Variants in RIMS3 observed in about 807,000 individuals in gnomAD.
The protein encoded by RIMS3 is regulating synaptic membrane exocytosis protein 3.
Under a neutral mutation model 29.2 loss-of-function variants are expected in RIMS3, and 15 were observed. That is an observed-to-expected ratio of 0.51 (90% CI 0.34 to 0.79). RIMS3 has a LOEUF of 0.79. Among genes scored for constraint, RIMS3 ranks in the 30% least tolerant of loss-of-function variants. The pLI, the probability that RIMS3 is intolerant of heterozygous loss-of-function variation, is 0.01. For missense variants in RIMS3, 342 were observed against 421.4 expected (o/e 0.81, Z 1.65); for synonymous variants, 161 against 170.1 (o/e 0.95, Z 0.41).
At chr1:40,649,259 A>T (rs895854120) in intron 1 of RIMS3, among the ~76,000 whole-genome samples, 3 of 152,176 alleles carry the variant, frequency 2.0e-5, no homozygotes, top group South Asian at 2.1e-4. Flanking sequence ...CAAATGTGTG[A>T]TCACACAGAC....
In RIMS3 at chr1:40,636,284, A is replaced by G. The variant is rs1646519303; in HGVS notation, c.218-227T>C. ...GTGACACTGACAGAGCAGACTAGAA[A>G]GATGGCTGCAGGCAGAGTCATGATG... On this transcript the variant is annotated intron_variant, in intron 3 of 7. Transcript: ENST00000372684. This position sits in a 1 kb window ranked among gnomAD's most constrained non-coding sequence, Gnocchi z 4.2. Among the ~76,000 whole-genome samples, 2 of 152,138 alleles carry G rather than the reference A, an allele frequency of 1.3e-5. No homozygotes were observed. The highest frequency in any genetic ancestry group is 6.5e-5 in the Admixed American group (1 of 15,276).
At chr1:40,681,234 C>T in the RIMS3 span, among the ~76,000 whole-genome samples, 1 of 152,096 alleles carries the variant, frequency 6.6e-6, no homozygotes, top group Admixed American at 6.5e-5. Flanking sequence ...CTGAATGGGA[C>T]AGGAAGCTGA....
chr1:40,627,882 G>A (rs1646465291), intron 7 of RIMS3, among the ~76,000 whole-genome samples: 1 of 152,090 alleles, frequency 6.6e-6, no homozygotes, highest in Non-Finnish European at 1.5e-5. Flanking sequence ...TGGGATTATG[G>A]TTGTGAGCCA....
chr1:40,649,490 A>G (rs991529924), intron 1 of RIMS3, among the ~76,000 whole-genome samples: 1 of 152,216 alleles, frequency 6.6e-6, no homozygotes, highest in Non-Finnish European at 1.5e-5. Context: ...TGGGCAGGGA[A>G]GCAGGAAGCA....
At chr1:40,675,230 T>C in the RIMS3 span, among the ~76,000 whole-genome samples, 2 of 151,212 alleles carry the variant, frequency 1.3e-5, no homozygotes, top group African/African-American at 4.9e-5. Flanking sequence ...GATCGTGCCA[T>C]GCCACTGCAC....
the RIMS3 span, among the ~76,000 whole-genome samples, chr1:40,683,468 A>G: frequency 1.3e-5 from 2 of 152,210 alleles, no homozygotes; most frequent in African/African-American, 2.4e-5. Context: ...TCACCATGTG[A>G]TATCTTCTGC....
At chr1:40,656,412 T>C (rs1293613392) in intron 1 of RIMS3, among the ~76,000 whole-genome samples, 1 of 151,980 alleles carries the variant, frequency 6.6e-6, no homozygotes, top group Non-Finnish European at 1.5e-5. Flanking sequence ...CTATATGGAG[T>C]TGCCAGGCAA....
upstream of RIMS3, among the ~76,000 whole-genome samples, chr1:40,670,609 T>TATATATATATATATATATATA (rs55692608): frequency 2.0e-3 from 270 of 135,614 alleles, no homozygotes; most frequent in Middle Eastern, 3.8e-3. Flanking sequence ...TATATATATA[T>TATATATATATATATATATATA]TTGAGATGGA....
chr1:40,643,668 G>A (rs1362056215), intron 2 of RIMS3, among the ~76,000 whole-genome samples: 17 of 151,932 alleles, frequency 1.1e-4, no homozygotes, highest in African/African-American at 3.4e-4. Context: ...TAGTAGTGAC[G>A]GGGTTTCACC....
At chr1:40,677,551 A>G in the RIMS3 span, among the ~76,000 whole-genome samples, 2 of 151,966 alleles carry the variant, frequency 1.3e-5, no homozygotes, top group Admixed American at 6.5e-5. Flanking sequence ...ACAAAAAATT[A>G]GCCAGGCATG....
At chr1:40,627,378 G>A (rs970588422) in intron 7 of RIMS3, among the ~76,000 whole-genome samples, 10 of 151,896 alleles carry the variant, frequency 6.6e-5, no homozygotes, top group Non-Finnish European at 1.5e-4. Context: ...ACAGGTGCCC[G>A]CCACCACACC....
At chr1:40,672,997 T>C in the RIMS3 span, among the ~76,000 whole-genome samples, 1 of 151,990 alleles carries the variant, frequency 6.6e-6, no homozygotes, top group Non-Finnish European at 1.5e-5. Flanking sequence ...CTGACCAACA[T>C]GGTGAAAACC....
intron 5 of RIMS3, among the ~76,000 whole-genome samples, chr1:40,630,189 C>T (rs1306590324): frequency 1.3e-5 from 2 of 152,156 alleles, no homozygotes; most frequent in African/African-American, 4.8e-5. Context: ...CCTACTACTG[C>T]ATTACCAGTG....
intron 1 of RIMS3, among the ~76,000 whole-genome samples, chr1:40,657,589 A>G (rs1447822597): frequency 4.6e-5 from 7 of 152,064 alleles, no homozygotes; most frequent in Non-Finnish European, 8.8e-5. Flanking sequence ...CTACAAAAAA[A>G]TACAAAACTG....
At chr1:40,649,296 C>T (rs1203209626) in intron 1 of RIMS3, among the ~76,000 whole-genome samples, 7 of 152,208 alleles carry the variant, frequency 4.6e-5, no homozygotes, top group Non-Finnish European at 8.8e-5. Flanking sequence ...CACTTAAAGA[C>T]GCAATCATAT....
chr1:40,682,767 A>C, the RIMS3 span, among the ~76,000 whole-genome samples: 2 of 26,020 alleles, frequency 7.7e-5, no homozygotes, highest in Admixed American at 3.0e-4. Context: ...TTGAGATGGA[A>C]TCTTGCTCTG....
At chr1:40,651,991 A>C (rs1232739835) in intron 1 of RIMS3, among the ~76,000 whole-genome samples, 1 of 152,164 alleles carries the variant, frequency 6.6e-6, no homozygotes, top group Admixed American at 6.5e-5. Flanking sequence ...TCCTCGTGTC[A>C]CTAAAGTGCT....
Position 40,628,818 on chromosome 1 carries a change from C to T in RIMS3, c.706G>A (p.Val236Met), listed in dbSNP as rs201301694. Residue 236 changes from valine (V) to methionine (M), a missense_variant, in exon 7 of 8, where the codon GTG (valine) becomes ATG (methionine). Transcript: ENST00000372684. ...LLFDEGPQGK[V>M]LQVIVWGDYG... The stretch of plus-strand genomic sequence containing the variant: ...TGCCCTGTGACACCCACCTGCAGCA[C>T]CTTGCCCTGGGGTCCCTCGTCAAAG... 2 of 1,614,214 alleles carry T rather than the reference C, an allele frequency of 1.2e-6. No individual in the cohort carries two copies. The highest frequency in any genetic ancestry group is 2.2e-5 in the East Asian group (1 of 44,880).
intron 1 of RIMS3, among the ~76,000 whole-genome samples, chr1:40,656,644 G>A (rs1390808690): frequency 3.3e-5 from 5 of 152,108 alleles, no homozygotes; most frequent in African/African-American, 7.2e-5. Flanking sequence ...TTAGCCGGGC[G>A]TGGTGGTGCA....
Sources: gnomAD v4.1 joint callset for allele counts (sites outside exome capture counted in the v4.1 genomes callset) on GRCh38, gnomAD v4.1.1 for gene constraint, Gnocchi (gnomAD v3.1) non-coding constraint, MANE v1.5 for transcripts, NCBI Gene and HGNC (gene_info 2026-07-23, HGNC 2026-07-21) for gene names.